The following PDZD2 variants were observed in gnomAD, a reference collection of about 807,000 sequenced individuals.
PDZD2 encodes PDZ domain containing 2.
A neutral mutation model predicts 220.7 loss-of-function variants in PDZD2; 90 were observed. The observed-to-expected ratio is 0.41, with a 90% CI of 0.34 to 0.49. The LOEUF (loss-of-function observed/expected upper bound fraction) is 0.49, where lower values mean the gene tolerates loss of function less well. Ranked by LOEUF, PDZD2 falls within the 20% of genes least tolerant of loss-of-function variation. The pLI is 0.28. For synonymous variants in PDZD2, 1,375 were observed against 1,450.5 expected (o/e 0.95, Z 1.18); for missense variants, 3,174 against 3,608.5 (o/e 0.88, Z 3.08).
chr5:31,645,235 T>C lies in PDZD2; in HGVS notation c.-361+5798T>C, dbSNP rs550670192. On this transcript the variant is annotated intron_variant, in intron 1 of 24. Coordinates refer to ENST00000438447, the MANE Select transcript of PDZD2 (RefSeq NM_178140.4). The stretch of plus-strand genomic sequence containing the variant: ...CAGCTTCCTGAGGAAGGGGCGTCCA[T>C]GGCATATTTGGCCCTTAACACAGTG... Among the ~76,000 whole-genome samples, 41 of 152,230 alleles carry C rather than the reference T, an allele frequency of 2.7e-4. No individual in the cohort carries two copies. In the South Asian group the frequency reaches 8.3e-3, roughly 31 times the overall value.
At chr5:31,928,236 C>T (rs1744960558) in intron 2 of PDZD2, among the ~76,000 whole-genome samples, 1 of 152,096 alleles carries the variant, frequency 6.6e-6, no homozygotes, top group Non-Finnish European at 1.5e-5. Context: ...GGGTGGGAAC[C>T]ATTTGATAAA....
intron 21 of PDZD2, 54 bp downstream of exon 21, chr5:32,093,078 A>G (rs1581480316): frequency 5.4e-6 from 5 of 919,166 alleles, no homozygotes; most frequent in East Asian, 2.4e-5. Context: ...GTGAGTGCCC[A>G]GGTATGTGCT....
intron 2 of PDZD2, among the ~76,000 whole-genome samples, chr5:31,869,801 A>T (rs1430294916): frequency 2.0e-5 from 3 of 152,104 alleles, no homozygotes; most frequent in African/African-American, 7.2e-5. Context: ...GCAGTGCTGC[A>T]GCCGAGCTCA....
intron 1 of PDZD2, among the ~76,000 whole-genome samples, chr5:31,705,788 G>A (rs371696370): frequency 2.6e-5 from 4 of 152,226 alleles, no homozygotes; most frequent in Non-Finnish European, 5.9e-5. Flanking sequence ...GGTGGCTTAC[G>A]CCTATAATCC....
At chr5:31,884,259 A>ACATACATACATCCATCCATCCATCCATC (rs923352259) in intron 2 of PDZD2, among the ~76,000 whole-genome samples, 4 of 151,562 alleles carry the variant, frequency 2.6e-5, no homozygotes, top group African/African-American at 9.7e-5. Context: ...ATACATACAT[A>ACATACATACATCCATCCATCCATCCATC]CATCCTGGGT....
intron 1 of PDZD2, among the ~76,000 whole-genome samples, chr5:31,740,488 G>A (rs1417848084): frequency 7.8e-6 from 1 of 127,408 alleles, no homozygotes; most frequent in Non-Finnish European, 1.6e-5. Flanking sequence ...TCTTGCCACT[G>A]CACTCCAGCC....
chr5:31,988,608 C>A (rs1373278768), intron 3 of PDZD2, among the ~76,000 whole-genome samples: 2 of 152,168 alleles, frequency 1.3e-5, no homozygotes, highest in Non-Finnish European at 2.9e-5. Context: ...CATTTCTCCC[C>A]TGACTCCAGA....
intron 2 of PDZD2, among the ~76,000 whole-genome samples, chr5:31,800,519 T>TTCTA (rs1754331488): frequency 6.6e-6 from 1 of 152,190 alleles, no homozygotes; most frequent in African/African-American, 2.4e-5. Flanking sequence ...GACCCAAGTC[T>TTCTA]TCTACCATTA....
intron 1 of PDZD2, among the ~76,000 whole-genome samples, chr5:31,727,895 C>T (rs1026798505): frequency 2.0e-5 from 3 of 149,092 alleles, no homozygotes; most frequent in Non-Finnish European, 3.0e-5. Context: ...CCCAGCTACT[C>T]AGGAGGCTGA....
rs1305693484 is a variant in PDZD2 at position 31,849,961 on chromosome 5, TAC to T, written c.476+50241_476+50242del. On this transcript the variant is annotated intron_variant, in intron 2 of 24. Coordinates refer to ENST00000438447, the MANE Select transcript of PDZD2 (RefSeq NM_178140.4). ...ATATATATATATACATATATATATA[TAC>T]ACATATATATATATACATATATATA... 9.8e-5 allele frequency among the ~76,000 whole-genome samples: 2 copies of T among 20,402 alleles called. 1 individual carries two copies. Among genetic ancestry groups the T allele is most frequent in the Admixed American group, 1.2e-3 (2 of 1,660 alleles). 13.4% of individuals were successfully genotyped at this position (20,402 alleles called of 152,430 possible). A position where few individuals can be genotyped will look rare whatever the true frequency, so the allele number is the denominator to read the frequency against.
intron 1 of PDZD2, among the ~76,000 whole-genome samples, chr5:31,689,984 G>A (rs928203707): frequency 6.6e-6 from 1 of 152,058 alleles, no homozygotes; most frequent in African/African-American, 2.4e-5. Context: ...CATCAAAACC[G>A]CTACTTGGGT....
intron 5 of PDZD2, among the ~76,000 whole-genome samples, chr5:32,007,955 A>G (rs1752967338): frequency 6.6e-6 from 1 of 152,078 alleles, no homozygotes; most frequent in Non-Finnish European, 1.5e-5. Flanking sequence ...ACATAAGATC[A>G]AAGGGCTGTG....
intron 1 of PDZD2, among the ~76,000 whole-genome samples, chr5:31,776,432 C>G (rs1202836879): frequency 4.6e-5 from 7 of 151,390 alleles, no homozygotes; most frequent in African/African-American, 1.7e-4. Context: ...ACCCTACTCC[C>G]CATACATTGT....
At chr5:31,748,916 G>A (rs1750761714) in intron 1 of PDZD2, among the ~76,000 whole-genome samples, 1 of 152,186 alleles carries the variant, frequency 6.6e-6, no homozygotes, top group Non-Finnish European at 1.5e-5. Context: ...GGATTGCCCT[G>A]TTCTGTGTCT....
In PDZD2 at chr5:32,071,299, G is replaced by A. The variant is rs561272635; in HGVS notation, c.2534-85G>A. The A allele has an allele frequency of 8.6e-5, 83 of 968,458 alleles. No homozygotes were observed. The African/African-American group carries it at 1.1e-3, about 13-fold the overall frequency. The allele number at this position is 968,458 out of a possible 1,614,324, so 60.0% of individuals were successfully genotyped here. ...GGGAGTTTTGTTTACTGTGTTTGCC[G>A]CCTCCTTTTCTAGTTAAGGATGTGA... On this transcript the variant is annotated intron_variant, in intron 15 of 24. Transcript: ENST00000438447.
chr5:32,048,488 C>G, intron 7 of PDZD2, 51 bp from the exon 8 acceptor site: 1 of 1,523,744 alleles, frequency 6.6e-7, no homozygotes, highest in South Asian at 1.1e-5. Context: ...GATGTGCTTA[C>G]GATTCTTTTT....
chr5:31,903,321 A>G (rs115129617), intron 2 of PDZD2, among the ~76,000 whole-genome samples: 1 of 151,866 alleles, frequency 6.6e-6, no homozygotes, highest in Admixed American at 6.6e-5. Flanking sequence ...AAATTAAAAT[A>G]AAAAAATATT....
chr5:32,028,303 C>T (rs755124030), intron 6 of PDZD2, among the ~76,000 whole-genome samples: 1 of 152,146 alleles, frequency 6.6e-6, no homozygotes, highest in Non-Finnish European at 1.5e-5. Context: ...CAGGATATTT[C>T]TAAGGATATT....
At chr5:32,084,386 G>A (rs912071896) in intron 19 of PDZD2, among the ~76,000 whole-genome samples, 7 of 152,300 alleles carry the variant, frequency 4.6e-5, no homozygotes, top group Admixed American at 2.6e-4. Context: ...CTGTTTCTCC[G>A]TCCTCATCCT....
Sources: gnomAD v4.1 joint callset for allele counts (sites outside exome capture counted in the v4.1 genomes callset) on GRCh38, gnomAD v4.1.1 for gene constraint, MANE v1.5 for transcripts, NCBI Gene and HGNC (gene_info 2026-07-23, HGNC 2026-07-21) for gene names.